SIL1: variants seen among roughly 807,000 people sequenced by gnomAD.
The protein encoded by SIL1 is nucleotide exchange factor SIL1.
In SIL1, 40 loss-of-function variants were observed where a neutral mutation model predicts 49.1. That is an observed-to-expected ratio of 0.81 (90% CI 0.63 to 1.06). The LOEUF is 1.06. SIL1 is among the 50% of genes least tolerant of loss of function. The pLI, the probability that SIL1 is intolerant of heterozygous loss-of-function variation, is 0.00. For missense variants in SIL1, 500 were observed against 572.6 expected (o/e 0.87, Z 1.29); for synonymous variants, 253 against 250.8 (o/e 1.01, Z -0.08).
chr5:139,112,425 G>A (rs542306074), intron 3 of SIL1, among the ~76,000 whole-genome samples: 1 of 146,128 alleles, frequency 6.8e-6, no homozygotes, highest in African/African-American at 2.6e-5. Context: ...GCTGCCCATC[G>A]TCTGAGATGT....
intron 1 of SIL1, among the ~76,000 whole-genome samples, chr5:139,196,253 G>T (rs1185441744): frequency 6.6e-6 from 1 of 152,038 alleles, no homozygotes; most frequent in Non-Finnish European, 1.5e-5. Context: ...CTCTCGCATG[G>T]TTCAAAAAGG....
At chr5:138,969,901 GC>G (rs1162006785) in intron 7 of SIL1, among the ~76,000 whole-genome samples, 4 of 152,264 alleles carry the variant, frequency 2.6e-5, no homozygotes, top group Non-Finnish European at 5.9e-5. Flanking sequence ...CTCTAACACT[GC>G]CCTGATGTTT....
chr5:139,139,839 C>T lies in SIL1; in HGVS notation c.-10-11986G>A, dbSNP rs111391073. The stretch of plus-strand genomic sequence containing the variant: ...TCATCTCTACTAAAAAATACAAAAA[C>T]TAGTTGGGGCCGGGCATGGTGGCTT... On this transcript the variant is annotated intron_variant, in intron 1 of 9. Transcript: ENST00000394817. Among the ~76,000 whole-genome samples, 1,041 of 136,370 alleles carry T rather than the reference C, an allele frequency of 7.6e-3. 7 individuals are homozygous for T. Among genetic ancestry groups the T allele is most frequent in the African/African-American group, 0.028 (992 of 36,012 alleles). The allele number at this position is 136,370 out of a possible 152,430, so 89.5% of individuals were successfully genotyped here. A position where few individuals can be genotyped will look rare whatever the true frequency, so the allele number is the denominator to read the frequency against.
At chr5:139,113,228 C>T (rs1432912578) in intron 3 of SIL1, among the ~76,000 whole-genome samples, 1 of 152,028 alleles carries the variant, frequency 6.6e-6, no homozygotes, top group African/African-American at 2.4e-5. Flanking sequence ...TGCTGACCTT[C>T]CCTCCACTAT....
At chr5:138,997,990 T>TGAA (rs1767907322) in intron 7 of SIL1, among the ~76,000 whole-genome samples, 1 of 152,242 alleles carries the variant, frequency 6.6e-6, no homozygotes, top group African/African-American at 2.4e-5. Flanking sequence ...TTTATTTCTC[T>TGAA]GAAGAATTGC....
At chr5:139,003,257 T>C (rs920247724) in intron 7 of SIL1, among the ~76,000 whole-genome samples, 11 of 152,156 alleles carry the variant, frequency 7.2e-5, no homozygotes, top group Admixed American at 5.2e-4. Context: ...TGCAGTTGCC[T>C]GGGACTTGGC....
intron 3 of SIL1, among the ~76,000 whole-genome samples, chr5:139,100,118 CT>C (rs1278834417): frequency 3.3e-5 from 5 of 152,154 alleles, no homozygotes; most frequent in Admixed American, 1.3e-4. Context: ...TTCTTCTCCC[CT>C]AGTCATTTAT....
intron 1 of SIL1, among the ~76,000 whole-genome samples, chr5:139,169,847 C>T (rs1051737767): frequency 2.0e-5 from 3 of 150,280 alleles, no homozygotes; most frequent in African/African-American, 7.3e-5. Context: ...TCCCTCTCCC[C>T]ACGGTCTCCC....
intron 1 of SIL1, among the ~76,000 whole-genome samples, chr5:139,179,072 T>C (rs973087298): frequency 6.6e-6 from 1 of 152,186 alleles, no homozygotes; most frequent in African/African-American, 2.4e-5. Context: ...GTAGCCATAG[T>C]GATAAGCTGG....
intron 1 of SIL1, among the ~76,000 whole-genome samples, chr5:139,187,475 C>T (rs910947189): frequency 1.3e-5 from 2 of 151,328 alleles, no homozygotes; most frequent in African/African-American, 4.9e-5. Context: ...CGAGATTGTG[C>T]CACTCCACTC....
chr5:138,949,798 C>CAAAAAA (rs5871689), intron 9 of SIL1, among the ~76,000 whole-genome samples: 1 of 83,330 alleles, frequency 1.2e-5, no homozygotes, highest in Non-Finnish European at 2.6e-5. Context: ...GACCCTGTCT[C>CAAAAAA]AAAAAAAAAA....
At position 139,007,850 on chromosome 5, in the gene SIL1, G is replaced by A. The variant is rs1364541962; in HGVS notation, c.767+13321C>T. Among the ~76,000 whole-genome samples the A allele has an allele frequency of 1.4e-3, 207 of 145,342 alleles. No homozygotes were observed. The East Asian group carries it at 0.039, about 28-fold the overall frequency. On this transcript the variant is annotated intron_variant, in intron 7 of 9. Coordinates refer to ENST00000394817, the MANE Select transcript of SIL1 (RefSeq NM_022464.5). Reference sequence around the variant, plus strand: ...TGGATAAGCTTTTTGATGTGCTGCTGGATTCGGTTTGCCAGTATTTTATTG... The same window carrying A: ...TGGATAAGCTTTTTGATGTGCTGCTAGATTCGGTTTGCCAGTATTTTATTG...
At chr5:139,196,821 C>A (rs1229489076) in intron 1 of SIL1, among the ~76,000 whole-genome samples, 1 of 152,176 alleles carries the variant, frequency 6.6e-6, no homozygotes, top group Non-Finnish European at 1.5e-5. Flanking sequence ...ATACAAATAT[C>A]AATCCCAATA....
intron 7 of SIL1, among the ~76,000 whole-genome samples, chr5:139,004,406 T>C (rs1768063008): frequency 6.6e-6 from 1 of 152,216 alleles, no homozygotes; most frequent in Non-Finnish European, 1.5e-5. Context: ...TCAGAATTCA[T>C]GTATTTTATC....
chr5:138,986,389 CTGAT>C (rs1767649888), intron 7 of SIL1, among the ~76,000 whole-genome samples: 1 of 152,176 alleles, frequency 6.6e-6, no homozygotes, highest in South Asian at 2.1e-4. Flanking sequence ...ATCACGGACT[CTGAT>C]TGATTTAGGA....
At chr5:139,037,138 CCAG>C (rs140132505) in intron 5 of SIL1, among the ~76,000 whole-genome samples, 3,532 of 152,028 alleles carry the variant, frequency 0.023, 146 homozygotes, top group African/African-American at 0.08. Context: ...ATTTTTTCCC[CCAG>C]CAATTGAAAA....
chr5:139,002,706 T>A (rs1022265087), intron 7 of SIL1, among the ~76,000 whole-genome samples: 1 of 152,196 alleles, frequency 6.6e-6, no homozygotes, highest in Non-Finnish European at 1.5e-5. Context: ...CAAATCAACT[T>A]TGCCCCCTTT....
chr5:138,975,874 A>T (rs181277339), intron 7 of SIL1, among the ~76,000 whole-genome samples: 95 of 152,330 alleles, frequency 6.2e-4, no homozygotes, highest in African/African-American at 2.2e-3. Context: ...CCCTGCCTAC[A>T]TTTCCAAATT....
chr5:139,015,986 G>C (rs1768389624), intron 7 of SIL1, among the ~76,000 whole-genome samples: 1 of 152,144 alleles, frequency 6.6e-6, no homozygotes, highest in South Asian at 2.1e-4. Context: ...CACTCAGAAA[G>C]CTGGGGCAAG....
Sources: allele counts gnomAD v4.1 joint callset (sites outside exome capture counted in the v4.1 genomes callset), GRCh38; gene constraint gnomAD v4.1.1; transcripts MANE v1.5; gene names NCBI Gene and HGNC (gene_info 2026-07-23, HGNC 2026-07-21).